Variants in SAMD4A observed in about 807,000 individuals in gnomAD.
SAMD4A encodes protein Smaug homolog 1.
Under a neutral mutation model 81.3 loss-of-function variants are expected in SAMD4A, and 33 were observed. The ratio of observed to expected loss-of-function variants is 0.41; its 90% CI spans 0.31 to 0.54. The LOEUF (loss-of-function observed/expected upper bound fraction) is 0.54. SAMD4A is among the 20% of genes least tolerant of loss of function. The pLI is 0.37. For synonymous variants in SAMD4A, 389 were observed against 382.1 expected, an observed-to-expected ratio of 1.02 and a Z score of -0.21; for missense variants, 854 against 951.1, an observed-to-expected ratio of 0.90 and a Z score of 1.34.
intron 2 of SAMD4A, among the ~76,000 whole-genome samples, chr14:54,604,309 C>T (rs1055949516): frequency 2.0e-5 from 3 of 152,134 alleles, no homozygotes; most frequent in African/African-American, 7.2e-5. Flanking sequence ...CTTCAATGCA[C>T]GTTGTAACTT....
intron 12 of SAMD4A, among the ~76,000 whole-genome samples, chr14:54,785,607 G>A (rs2039120353): frequency 6.6e-6 from 1 of 152,208 alleles, no homozygotes; most frequent in African/African-American, 2.4e-5. Flanking sequence ...GAGAAGGGCT[G>A]TCTGCACACC....
intron 3 of SAMD4A, among the ~76,000 whole-genome samples, chr14:54,719,632 G>A (rs1156356876): frequency 1.3e-5 from 2 of 152,136 alleles, no homozygotes; most frequent in Non-Finnish European, 2.9e-5. Flanking sequence ...AACGGTCTTG[G>A]GCAATATCAA....
At chr14:54,581,934 C>T (rs766911947) in intron 2 of SAMD4A, among the ~76,000 whole-genome samples, 3 of 152,124 alleles carry the variant, frequency 2.0e-5, no homozygotes, top group African/African-American at 4.8e-5. Context: ...AACAAGCGTT[C>T]GTTGGAAAAA....
intron 2 of SAMD4A, among the ~76,000 whole-genome samples, chr14:54,675,764 G>A (rs918822534): frequency 2.0e-5 from 3 of 152,188 alleles, no homozygotes; most frequent in Admixed American, 6.5e-5. Context: ...TCACCCTGCA[G>A]TACAAATGAG....
intron 2 of SAMD4A, among the ~76,000 whole-genome samples, chr14:54,660,865 ATTGT>A (rs1400587200): frequency 6.6e-6 from 1 of 152,196 alleles, no homozygotes; most frequent in Non-Finnish European, 1.5e-5. Flanking sequence ...CAGCCACAGA[ATTGT>A]TTGCCTGTTA....
At chr14:54,638,012 G>A (rs956081404) in intron 2 of SAMD4A, among the ~76,000 whole-genome samples, 3 of 152,186 alleles carry the variant, frequency 2.0e-5, no homozygotes, top group African/African-American at 7.2e-5. Context: ...ATTGCACAGA[G>A]TCCCAACCTT....
chr14:54,674,967 G>GCT (rs1213057976), intron 2 of SAMD4A, among the ~76,000 whole-genome samples: 1 of 152,146 alleles, frequency 6.6e-6, no homozygotes, highest in Non-Finnish European at 1.5e-5. Context: ...TGCCCAGGCT[G>GCT]CTCTCGAGCT....
chr14:54,672,540 G>A (rs1288733372), intron 2 of SAMD4A, among the ~76,000 whole-genome samples: 1 of 152,094 alleles, frequency 6.6e-6, no homozygotes, highest in Non-Finnish European at 1.5e-5. Flanking sequence ...CCTGGGATTT[G>A]TTTTCCAAAT....
intron 9 of SAMD4A, among the ~76,000 whole-genome samples, chr14:54,770,838 A>G (rs1218378530): frequency 6.6e-6 from 1 of 152,248 alleles, no homozygotes; most frequent in East Asian, 1.9e-4. Flanking sequence ...CATATTAAAG[A>G]TGAACTGCAG....
At chr14:54,606,213 G>GTGTGCGTGCA (rs1555335555) in intron 2 of SAMD4A, among the ~76,000 whole-genome samples, 1 of 144,414 alleles carries the variant, frequency 6.9e-6, no homozygotes, top group Non-Finnish European at 1.5e-5. Context: ...GTGTGTGTGT[G>GTGTGCGTGCA]CGTGCACGTG....
intron 2 of SAMD4A, among the ~76,000 whole-genome samples, chr14:54,629,836 C>G (rs2140333767): frequency 6.6e-6 from 1 of 152,164 alleles, no homozygotes; most frequent in South Asian, 2.1e-4. Flanking sequence ...ACAATCACGC[C>G]CCATTACTTC....
chr14:54,596,835 G>A (rs1326676795), intron 2 of SAMD4A, among the ~76,000 whole-genome samples: 1 of 152,174 alleles, frequency 6.6e-6, no homozygotes. Context: ...GAGAAGGGTG[G>A]AGAGTGGTTC....
chr14:54,770,004 C>T (rs2038658692), intron 8 of SAMD4A, 100 bp from the exon 9 acceptor site: 3 of 746,108 alleles, frequency 4.0e-6, no homozygotes, highest in South Asian at 3.4e-5. Context: ...GAAGAAAAGG[C>T]AACTGCAGAG....
intron 8 of SAMD4A, among the ~76,000 whole-genome samples, chr14:54,766,554 C>T (rs1345125779): frequency 3.3e-5 from 5 of 152,188 alleles, no homozygotes; most frequent in East Asian, 1.9e-4. Context: ...GAAAGGCAAG[C>T]GAGAGTCCTG....
At position 54,696,380 on chromosome 14, in the gene SAMD4A, T is replaced by C. The variant is rs115511363; in HGVS notation, c.197-5682T>C. On this transcript the variant is annotated intron_variant, in intron 2 of 12. Coordinates refer to ENST00000554335, the MANE Select transcript of SAMD4A (RefSeq NM_015589.6). ...GTGTCTAGGATTGACTTTGTAACAT[T>C]CTTCCAAGGAGTCTTTGACCATGTA... Among the ~76,000 whole-genome samples, 861 of 152,358 alleles carry C rather than the reference T, an allele frequency of 5.7e-3. 10 individuals carry two copies. The highest frequency in any genetic ancestry group is 0.02 in the African/African-American group (836 of 41,576).
chr14:54,640,473 C>CG (rs978237868), intron 2 of SAMD4A, among the ~76,000 whole-genome samples: 1 of 152,062 alleles, frequency 6.6e-6, no homozygotes, highest in Non-Finnish European at 1.5e-5. Flanking sequence ...GGACTCACTG[C>CG]GGGGGAAACC....
chr14:54,694,837 G>A lies in SAMD4A; in HGVS notation c.197-7225G>A, dbSNP rs533885035. 7.1e-6 allele frequency: 7 copies of A among 985,564 alleles called. No individual in the cohort carries two copies. In the East Asian group the frequency reaches 6.8e-4, roughly 96 times the overall value. The allele number at this position is 985,564 out of a possible 1,614,324, so 61.1% of individuals were successfully genotyped here. A position where few individuals can be genotyped will look rare whatever the true frequency, so the allele number is the denominator to read the frequency against. On this transcript the variant is annotated intron_variant, in intron 2 of 12. Coordinates refer to ENST00000554335, the MANE Select transcript of SAMD4A (RefSeq NM_015589.6). ...CTCAAGGAGTAAAGGAGCAGTCCTG[G>A]AGCACCCAGCTGTGCCGGTACCTGG...
intron 8 of SAMD4A, 134 bp downstream of exon 8, chr14:54,764,674 G>T (rs906597786): frequency 4.9e-6 from 3 of 617,168 alleles, no homozygotes; most frequent in Non-Finnish European, 8.6e-6. Context: ...ATAATAGGTT[G>T]GGCAGAACTA....
In SAMD4A at chr14:54,738,810, T is replaced by C. The variant is rs540704071; in HGVS notation, c.979+1523T>C. 8.5e-5 allele frequency among the ~76,000 whole-genome samples: 13 copies of C among 152,276 alleles called. No homozygotes were observed. In the South Asian group the frequency reaches 2.7e-3, roughly 32 times the overall value. ...AGACCAAGGGAGGCTGAGACAGCCGTTGCTTTTAACTAGCTTCTTTCCAGG... is the reference window on the plus strand; with the variant it reads ...AGACCAAGGGAGGCTGAGACAGCCGCTGCTTTTAACTAGCTTCTTTCCAGG... On this transcript the variant is annotated intron_variant, in intron 4 of 12. Coordinates refer to ENST00000554335, the MANE Select transcript of SAMD4A (RefSeq NM_015589.6).
Sources: gnomAD v4.1 joint callset for allele counts (sites outside exome capture counted in the v4.1 genomes callset) on GRCh38, gnomAD v4.1.1 for gene constraint, MANE v1.5 for transcripts, NCBI Gene and HGNC (gene_info 2026-07-23, HGNC 2026-07-21) for gene names.